PLXND1: variants seen among roughly 807,000 people sequenced by gnomAD.
The protein encoded by PLXND1 is plexin D1.
In PLXND1, 54 loss-of-function variants were observed where a neutral mutation model predicts 197.7. That is an observed-to-expected ratio of 0.27 (90% confidence interval 0.22 to 0.34). The LOEUF is 0.34. Among genes scored for constraint, PLXND1 ranks in the 10% least tolerant of loss-of-function variants. The probability of loss-of-function intolerance (pLI) is 1.00; values close to 1 mark genes in which losing one functional copy is unlikely to be tolerated. For missense variants in PLXND1, 2,127 were observed against 2,699.2 expected, an observed-to-expected ratio of 0.79 and a Z score of 4.70; for synonymous variants, 1,180 against 1,161.2, an observed-to-expected ratio of 1.02 and a Z score of -0.33.
intron 1 of PLXND1, among the ~76,000 whole-genome samples, chr3:129,604,609 G>A (rs866163338): frequency 5.3e-5 from 8 of 152,236 alleles, no homozygotes; most frequent in South Asian, 2.1e-4. Flanking sequence ...TAGGTGCTCA[G>A]GAAATATTTG....
intron 1 of PLXND1, among the ~76,000 whole-genome samples, chr3:129,596,075 A>T (rs1463267605): frequency 1.3e-5 from 2 of 152,134 alleles, no homozygotes; most frequent in Admixed American, 1.3e-4. Context: ...GTAAAATAAG[A>T]CAGCAATAGC....
intron 20 of PLXND1, among the ~76,000 whole-genome samples, chr3:129,568,218 T>G (rs567300639): frequency 6.6e-6 from 1 of 152,186 alleles, no homozygotes; most frequent in Non-Finnish European, 1.5e-5. Context: ...CCTTCTACAA[T>G]GACCAGGTGT....
chr3:129,589,313 C>CCCCCCCCCCCCCCCCCCCCACCACCCA, intron 2 of PLXND1, 38 bp downstream of exon 2: 1 of 592,308 alleles, frequency 1.7e-6, no homozygotes, highest in Non-Finnish European at 3.0e-6. Flanking sequence ...GGGAGCCTCC[C>CCCCCCCCCCCCCCCCCCCCACCACCCA]ACCCCCACCC....
rs764214548 is a variant in PLXND1 at position 129,557,173 on chromosome 3, C to A, written c.5496G>T (p.Arg1832=). ...GCTTGTAGTAGCGCTGCACGATCTT[C>A]CGGTACTCAGGAATCTCCTTGGCGT... ...LLYAKEIPEY[R]KIVQRYYKQI... is the part of the protein sequence containing the mutation. Residue 1832 remains arginine, a synonymous_variant, in exon 34 of 36, where the codon CGG becomes CGT. Transcript: ENST00000324093. The surrounding 1 kb of genome is among the most constrained non-coding windows in gnomAD (Gnocchi z 4.8). 1.9e-6 allele frequency: 3 copies of A among 1,614,144 alleles called. No homozygotes were observed. Among genetic ancestry groups the A allele is most frequent in the Non-Finnish European group, 2.5e-6 (3 of 1,180,028 alleles).
rs939386613 is a variant in PLXND1 at position 129,573,822 on chromosome 3, AC to A, written c.2686-78del. 3.3e-6 allele frequency: 5 copies of A among 1,511,034 alleles called. No individual in the cohort carries two copies. The African/African-American group carries it at 6.8e-5, about 21-fold the overall frequency. 93.6% of individuals were successfully genotyped at this position (1,511,034 alleles called of 1,614,324 possible). On this transcript the variant is annotated intron_variant, in intron 12 of 35. Coordinates refer to ENST00000324093, the MANE Select transcript of PLXND1 (RefSeq NM_015103.3). ...CAGGCTTCTGCCCACAGTCACAGGC[AC>A]CCAGCAGGGCACAGCCGTGCAGACC...
chr3:129,556,058 T>G lies in PLXND1; in HGVS notation c.*254A>C. 2.1e-6 allele frequency: 1 copy of G among 477,096 alleles called. No homozygotes were observed. The allele number at this position is 477,096 out of a possible 1,614,324, so 29.6% of individuals were successfully genotyped here. A position where few individuals can be genotyped will look rare whatever the true frequency, so the allele number is the denominator to read the frequency against. On this transcript the variant is annotated 3_prime_UTR_variant, in exon 36 of 36. Coordinates refer to ENST00000324093, the MANE Select transcript of PLXND1 (RefSeq NM_015103.3). Reference sequence around the variant, plus strand: ...CACAGTGCAGGCCGTGCTGGGCAGATGGGGGAGCCTGACCAGCTCTCTGGC... The same window carrying G: ...CACAGTGCAGGCCGTGCTGGGCAGAGGGGGGAGCCTGACCAGCTCTCTGGC...
At chr3:129,574,698 C>T (rs984692736) in intron 11 of PLXND1, among the ~76,000 whole-genome samples, 1 of 152,220 alleles carries the variant, frequency 6.6e-6, no homozygotes, top group Non-Finnish European at 1.5e-5. Flanking sequence ...GAGCACAGTG[C>T]AGCCCCTGCT....
chr3:129,585,936 C>A lies in PLXND1; in HGVS notation c.1851+16G>T, dbSNP rs1413054543. ...CCCTGTGTCCCGAGCTGGGTCTTGC[C>A]TCCCCCAGGACTCACTGGGTACTCC... On this transcript the variant is annotated intron_variant, in intron 5 of 35. Coordinates refer to ENST00000324093, the MANE Select transcript of PLXND1 (RefSeq NM_015103.3). The A allele has an allele frequency of 6.2e-7, 1 of 1,613,636 alleles. No individual in the cohort carries two copies. The highest frequency in any genetic ancestry group is 1.3e-5 in the African/African-American group (1 of 74,918).
At chr3:129,571,961 G>GA in intron 15 of PLXND1, 117 bp from the exon 16 acceptor site, 1 of 923,348 alleles carries the variant, frequency 1.1e-6, no homozygotes, top group Non-Finnish European at 1.6e-6. Flanking sequence ...AGGCCTCCTT[G>GA]ACTGGTCCCA....
At position 129,559,821 on chromosome 3, in the gene PLXND1, C is replaced by G. The variant is rs1364276354; in HGVS notation, c.5134-38G>C. Reference sequence around the variant, plus strand: ...GGGGTGGCCGCCGTCAGCCCCGGGCCACGTGCAGAGGGCTAGTGGGCACCC... The same window carrying G: ...GGGGTGGCCGCCGTCAGCCCCGGGCGACGTGCAGAGGGCTAGTGGGCACCC... On this transcript the variant is annotated intron_variant, in intron 31 of 35. Transcript: ENST00000324093. The G allele has an allele frequency of 3.2e-6, 5 of 1,547,178 alleles. No individual in the cohort carries two copies. The South Asian group carries it at 6.2e-5, about 19-fold the overall frequency.
chr3:129,565,640 G>C, intron 24 of PLXND1, 102 bp from the exon 25 acceptor site: 1 of 1,091,808 alleles, frequency 9.2e-7, no homozygotes. Flanking sequence ...GATCCCAGGA[G>C]TGCCTGTGTG....
At position 129,576,772 on chromosome 3, in the gene PLXND1, G is replaced by A. The variant is rs370560204; in HGVS notation, c.2347-917C>T. ...AAAACTGGAGATTGTGTACCTCAAG[G>A]GGCCGCACACGGTAGGGGCCTAATA... On this transcript the variant is annotated intron_variant, in intron 9 of 35. Transcript: ENST00000324093. Among the ~76,000 whole-genome samples, 14 of 152,294 alleles carry A rather than the reference G, an allele frequency of 9.2e-5. No homozygotes were observed. In the East Asian group the frequency reaches 2.3e-3, roughly 25 times the overall value.
chr3:129,574,387 C>T lies in PLXND1; in HGVS notation c.2634G>A (p.Arg878=). 1 of 1,611,796 alleles carries T rather than the reference C, an allele frequency of 6.2e-7. No individual in the cohort carries two copies. Residue 878 remains arginine, a synonymous_variant, in exon 12 of 36, where the codon CGG becomes CGA. Transcript: ENST00000324093. ...LCMWSDGCRL[R]GPLQPMAGTC... ...TGCCAGCCATGGGCTGCAGAGGCCC[C>T]CGCAGGCGGCAGCCATCACTCCACA...
intron 2 of PLXND1, among the ~76,000 whole-genome samples, chr3:129,587,168 G>A (rs2085474036): frequency 6.6e-6 from 1 of 152,212 alleles, no homozygotes. Flanking sequence ...CACAGGCCAG[G>A]CTGATGGGGT....
intron 8 of PLXND1, among the ~76,000 whole-genome samples, chr3:129,582,724 C>T (rs892892163): frequency 6.6e-5 from 10 of 152,220 alleles, no homozygotes; most frequent in African/African-American, 2.4e-4. Context: ...TCTCAGAAAC[C>T]AACCAGGGGC....
At chr3:129,583,065 G>A (rs2085407297) in intron 8 of PLXND1, among the ~76,000 whole-genome samples, 1 of 152,240 alleles carries the variant, frequency 6.6e-6, no homozygotes, top group South Asian at 2.1e-4. Context: ...TTTCACAGGA[G>A]GGGAGAATAT....
At chr3:129,563,273 C>T (rs1400742938) in intron 25 of PLXND1, 33 bp from the exon 26 acceptor site, 1 of 1,569,114 alleles carries the variant, frequency 6.4e-7, no homozygotes, top group East Asian at 2.3e-5. Flanking sequence ...GGCCAAGGCC[C>T]CCTCTGTATT....
At chr3:129,570,748 G>A (rs1163929866) in intron 19 of PLXND1, 38 bp downstream of exon 19, 3 of 1,606,322 alleles carry the variant, frequency 1.9e-6, no homozygotes, top group African/African-American at 2.7e-5. Flanking sequence ...CCAGGGGTGG[G>A]GCCAGGTCTG....
chr3:129,581,131 G>A (rs1000095867), intron 8 of PLXND1, among the ~76,000 whole-genome samples: 2 of 152,160 alleles, frequency 1.3e-5, no homozygotes, highest in African/African-American at 4.8e-5. Flanking sequence ...CACTTCTCCC[G>A]GCTCCCGAGG....
Sources: allele counts gnomAD v4.1 joint callset (sites outside exome capture counted in the v4.1 genomes callset), GRCh38; gene constraint gnomAD v4.1.1; non-coding constraint Gnocchi (gnomAD v3.1); transcripts MANE v1.5; gene names NCBI Gene and HGNC (gene_info 2026-07-23, HGNC 2026-07-21).